COL13A1: variants seen among roughly 807,000 people sequenced by gnomAD.
The protein encoded by COL13A1 is collagen alpha-1(XIII) chain.
COL13A1 carries 89 observed loss-of-function variants against 130.9 expected under a neutral mutation model. The observed-to-expected ratio is 0.68, with a 90% CI of 0.57 to 0.81. The LOEUF (loss-of-function observed/expected upper bound fraction) is 0.81. Ranked by LOEUF, COL13A1 falls within the 30% of genes least tolerant of loss-of-function variation. COL13A1 has a pLI of 0.00. For missense variants in COL13A1, 879 were observed against 934.6 expected, an observed-to-expected ratio of 0.94 and a Z score of 0.78; for synonymous variants, 402 against 341.6, an observed-to-expected ratio of 1.18 and a Z score of -1.95.
Position 69,957,006 on chromosome 10 carries a change from C to T in COL13A1, c.2148C>T (p.Gly716=), listed in dbSNP as rs374536642. 1.7e-5 allele frequency: 28 copies of T among 1,613,436 alleles called. No individual in the cohort carries two copies. The East Asian group carries it at 2.2e-4, about 13-fold the overall frequency. Residue 716 remains glycine, a splice_region_variant and synonymous_variant, in exon 40 of 41, where the codon GGC becomes GGT. Coordinates refer to ENST00000645393, the MANE Select transcript of COL13A1 (RefSeq NM_001368882.1). ...TCTGCCTTCCTTTCTCCTTGCAGGG[C>T]GAAGATGGCTTACCAGTCCAAGGCT... ...APGLDAPCPL[G]EDGLPVQGCW...
chr10:69,896,177 G>A (rs971796780), intron 13 of COL13A1, among the ~76,000 whole-genome samples: 1 of 152,158 alleles, frequency 6.6e-6, no homozygotes, highest in African/African-American at 2.4e-5. Flanking sequence ...TCTCCAAGCA[G>A]GGTGGGGATT....
At chr10:69,846,992 T>C (rs972597136) in intron 2 of COL13A1, among the ~76,000 whole-genome samples, 1 of 152,168 alleles carries the variant, frequency 6.6e-6, no homozygotes, top group African/African-American at 2.4e-5. Context: ...AAAACTGAAG[T>C]TAGCCAAATC....
In COL13A1 at chr10:69,873,388, G is replaced by A. The variant is rs547675014; in HGVS notation, c.399+1178G>A. On this transcript the variant is annotated intron_variant, in intron 4 of 40. Coordinates refer to ENST00000645393, the MANE Select transcript of COL13A1 (RefSeq NM_001368882.1). The stretch of plus-strand genomic sequence containing the variant: ...AGAGCCCCAGCACAAAGGAGGACGG[G>A]TGAATCGGTCCCATGAAATCCAAGG... 1.5e-3 allele frequency among the ~76,000 whole-genome samples: 235 copies of A among 152,334 alleles called. 1 individual carries two copies. Among genetic ancestry groups the A allele is most frequent in the African/African-American group, 5.4e-3 (223 of 41,560 alleles).
At chr10:69,932,638 A>G in intron 31 of COL13A1, 34 bp downstream of exon 31, 1 of 1,417,342 alleles carries the variant, frequency 7.1e-7, no homozygotes, top group Non-Finnish European at 1.0e-6. Flanking sequence ...AGACTCATCA[A>G]GCGACAGTCT....
chr10:69,950,547 G>A (rs10999048), intron 38 of COL13A1, among the ~76,000 whole-genome samples: 2,054 of 152,228 alleles, frequency 0.013, 22 homozygotes, highest in South Asian at 0.044. Context: ...AGAGAATGAG[G>A]GGCCACACTC....
At chr10:69,940,557 C>G (rs1435336066) in intron 34 of COL13A1, among the ~76,000 whole-genome samples, 3 of 152,154 alleles carry the variant, frequency 2.0e-5, no homozygotes, top group African/African-American at 7.2e-5. Context: ...GGAGAGCCGT[C>G]CTCACCTGGG....
chr10:69,895,412 G>A, intron 12 of COL13A1, 138 bp from the exon 13 acceptor site: 1 of 888,088 alleles, frequency 1.1e-6, no homozygotes, highest in South Asian at 1.5e-5. Context: ...TGCCTCAGAG[G>A]GCTCAGACCA....
At chr10:69,932,668 T>A in intron 31 of COL13A1, 64 bp downstream of exon 31, 6 of 1,106,618 alleles carry the variant, frequency 5.4e-6, no homozygotes, top group Non-Finnish European at 8.2e-6. Flanking sequence ...GCACAGTATT[T>A]CTGTGCTTTA....
chr10:69,849,026 T>C (rs918145515), intron 2 of COL13A1, among the ~76,000 whole-genome samples: 1 of 152,224 alleles, frequency 6.6e-6, no homozygotes, highest in Non-Finnish European at 1.5e-5. Flanking sequence ...ATGTGGGCAA[T>C]TCATCTCCAC....
Position 69,921,775 on chromosome 10 carries a change from G to A in COL13A1, c.1090-107G>A, listed in dbSNP as rs923064327. ...AAAGCCAGCTGGGGGCAGGGGCACC[G>A]AGGCAGGAGCAAGGGAAGGCAAGGC... On this transcript the variant is annotated intron_variant, in intron 21 of 40. Transcript: ENST00000645393. The A allele has an allele frequency of 2.7e-4, 384 of 1,438,070 alleles. 1 individual carries two copies. The highest frequency in any genetic ancestry group is 3.3e-4 in the Non-Finnish European group (343 of 1,045,872). 89.1% of individuals were successfully genotyped at this position (1,438,070 alleles called of 1,614,324 possible). A position where few individuals can be genotyped will look rare whatever the true frequency, so the allele number is the denominator to read the frequency against.
chr10:69,847,752 A>G (rs569446005), intron 2 of COL13A1, among the ~76,000 whole-genome samples: 1 of 152,314 alleles, frequency 6.6e-6, no homozygotes, highest in Non-Finnish European at 1.5e-5. Flanking sequence ...CCTCCCTCCA[A>G]AGCAGCAGGG....
intron 3 of COL13A1, among the ~76,000 whole-genome samples, chr10:69,871,258 TG>T (rs1463714986): frequency 6.6e-6 from 1 of 152,094 alleles, no homozygotes; most frequent in Non-Finnish European, 1.5e-5. Context: ...GCAGGAGTGT[TG>T]CCAGGTTCCT....
At chr10:69,903,513 C>A (rs1427023444) in intron 15 of COL13A1, among the ~76,000 whole-genome samples, 1 of 152,240 alleles carries the variant, frequency 6.6e-6, no homozygotes, top group Non-Finnish European at 1.5e-5. Context: ...TCCACTCTTT[C>A]CCAGCCCAAT....
intron 1 of COL13A1, among the ~76,000 whole-genome samples, chr10:69,808,846 C>G (rs1401000592): frequency 6.6e-6 from 1 of 152,246 alleles, no homozygotes; most frequent in East Asian, 1.9e-4. Context: ...GTCCCCGGCC[C>G]TGGACCCAGC....
At chr10:69,822,057 T>A (rs1224923576) in intron 1 of COL13A1, among the ~76,000 whole-genome samples, 5 of 152,186 alleles carry the variant, frequency 3.3e-5, no homozygotes, top group Admixed American at 1.3e-4. Flanking sequence ...GAGAAAAGCA[T>A]GTCATTGTGC....
intron 13 of COL13A1, among the ~76,000 whole-genome samples, chr10:69,896,979 C>A (rs1405791217): frequency 1.3e-5 from 2 of 152,244 alleles, no homozygotes; most frequent in African/African-American, 4.8e-5. Flanking sequence ...GACAACACAA[C>A]TGCAGACGCT....
intron 14 of COL13A1, among the ~76,000 whole-genome samples, chr10:69,901,650 A>G (rs1277842623): frequency 6.6e-6 from 1 of 152,202 alleles, no homozygotes; most frequent in Non-Finnish European, 1.5e-5. Flanking sequence ...CCTCCTCACA[A>G]GAGCTAAGCC....
At chr10:69,948,021 G>C (rs375343578) in intron 38 of COL13A1, among the ~76,000 whole-genome samples, 7 of 152,332 alleles carry the variant, frequency 4.6e-5, no homozygotes, top group African/African-American at 1.7e-4. Context: ...ATCTGACCAA[G>C]AGATGGCCTT....
chr10:69,817,576 G>T (rs756948300), intron 1 of COL13A1, among the ~76,000 whole-genome samples: 2 of 152,056 alleles, frequency 1.3e-5, no homozygotes, highest in Non-Finnish European at 2.9e-5. Flanking sequence ...GAGGTTGTGT[G>T]TTTCTCCCGC....
Sources: allele counts gnomAD v4.1 joint callset (sites outside exome capture counted in the v4.1 genomes callset), GRCh38; gene constraint gnomAD v4.1.1; transcripts MANE v1.5; gene names NCBI Gene and HGNC (gene_info 2026-07-23, HGNC 2026-07-21).